The following NFRKB variants were observed in gnomAD, a reference collection of about 807,000 sequenced individuals.
NFRKB encodes the protein nuclear factor related to kappa-B-binding protein.
A neutral mutation model predicts 135.7 loss-of-function variants in NFRKB; 62 were observed. The observed-to-expected ratio is 0.46, with a 90% confidence interval of 0.37 to 0.56. NFRKB has a LOEUF of 0.56. NFRKB is among the 20% of genes least tolerant of loss of function. NFRKB has a pLI of 0.00. For synonymous variants in NFRKB, 678 were observed against 635.6 expected (o/e 1.07, Z -1.00); for missense variants, 1,545 against 1,662.0 (o/e 0.93, Z 1.22).
At chr11:129,881,560 C>T (rs556227323) in intron 12 of NFRKB, 52 bp from the exon 13 acceptor site, 18 of 1,609,666 alleles carry the variant, frequency 1.1e-5, no homozygotes, top group South Asian at 4.4e-5. Flanking sequence ...CCCTGAGCTC[C>T]GAAACAGCTT....
intron 11 of NFRKB, 69 bp downstream of exon 11, chr11:129,882,017 C>G: frequency 6.8e-7 from 1 of 1,477,796 alleles, no homozygotes; most frequent in Non-Finnish European, 9.1e-7. Flanking sequence ...ACTTCTCAAG[C>G]TATAGACCAT....
At chr11:129,865,602 T>A (rs1359797631) in intron 25 of NFRKB, among the ~76,000 whole-genome samples, 1 of 152,206 alleles carries the variant, frequency 6.6e-6, no homozygotes, top group East Asian at 1.9e-4. Flanking sequence ...CCCTTTTCTC[T>A]CCAGTATGTA....
intron 9 of NFRKB, 100 bp downstream of exon 9, chr11:129,883,022 T>G (rs770241905): frequency 1.1e-5 from 12 of 1,050,052 alleles, no homozygotes; most frequent in Middle Eastern, 2.6e-4. Context: ...GTTACCAGCA[T>G]GAGAGAGGCC....
chr11:129,895,314 C>A (rs1212269394), intron 1 of NFRKB, among the ~76,000 whole-genome samples, 182 bp downstream of exon 1: 5 of 152,084 alleles, frequency 3.3e-5, no homozygotes, highest in Admixed American at 3.3e-4. Flanking sequence ...CTCGGCCCCG[C>A]CCCTCCCCCA....
In NFRKB at chr11:129,870,009, T is replaced by G. The variant is rs775534912; in HGVS notation, c.3016A>C (p.Ile1006Leu). 1 of 1,614,268 alleles carries G rather than the reference T, an allele frequency of 6.2e-7. No homozygotes were observed. Among genetic ancestry groups the G allele is most frequent in the Admixed American group, 1.7e-5 (1 of 60,032 alleles). The change falls in exon 24 of 27, where the codon ATC becomes CTC. Residue 1006 changes from isoleucine (I) to leucine (L), a missense_variant. This residue lies in a region of NFRKB where 753 missense variants were observed against 804.3 expected (regional missense o/e 0.94). Transcript: ENST00000682444. ...GTGGNTTGKG[I>L]SATLHVTSNP... Reference sequence around the variant, plus strand: ...GAAGTGACGTGTAAGGTGGCAGAGATGCCTTTGCCTGTAGTGTTGCCTCCT... The same window carrying G: ...GAAGTGACGTGTAAGGTGGCAGAGAGGCCTTTGCCTGTAGTGTTGCCTCCT...
chr11:129,884,667 A>G (rs1949186664), intron 7 of NFRKB, 78 bp downstream of exon 7: 1 of 1,526,360 alleles, frequency 6.6e-7, no homozygotes, highest in Non-Finnish European at 9.0e-7. Context: ...ATCTGCCCCC[A>G]CCCACCTCCC....
In NFRKB at chr11:129,874,576, C is replaced by T; in HGVS notation, c.1983G>A (p.Arg661=). ...CTGCAGCTGCTTGTGCTTGGTGAAT[C>T]CGCTCTGTGAACAAGAGGGGCAAGC... ...HRDRSEEEFE[R]IHQAQAAAAK... is the part of the protein sequence containing the mutation. Residue 661 remains arginine (R), a synonymous_variant, in exon 20 of 27, where the codon CGG becomes CGA. Coordinates refer to ENST00000682444, the MANE Select transcript of NFRKB (RefSeq NM_001143835.2). The surrounding 1 kb of genome is among the most constrained non-coding windows in gnomAD (Gnocchi z 4.5). The T allele has an allele frequency of 6.2e-7, 1 of 1,614,060 alleles. No homozygotes were observed. Among genetic ancestry groups the T allele is most frequent in the Non-Finnish European group, 8.5e-7 (1 of 1,180,016 alleles).
rs1195410479 is a variant in NFRKB, at chr11:129,877,234, G to C, written c.1572+91C>G. On this transcript the variant is annotated intron_variant, in intron 16 of 26. Transcript: ENST00000682444. ...CTAAGGGGAAAGGTATGAGTTTCTT[G>C]CAAGAAGGTAGATGCAGGAGAGTCA... The C allele has an allele frequency of 6.9e-6, 9 of 1,303,214 alleles. No homozygotes were observed. The South Asian group carries it at 7.2e-5, about 10-fold the overall frequency. The allele number at this position is 1,303,214 out of a possible 1,614,324, so 80.7% of individuals were successfully genotyped here. A position where few individuals can be genotyped will look rare whatever the true frequency, so the allele number is the denominator to read the frequency against.
intron 24 of NFRKB, among the ~76,000 whole-genome samples, chr11:129,867,655 T>A (rs1488580912): frequency 6.6e-6 from 1 of 152,216 alleles, no homozygotes; most frequent in Non-Finnish European, 1.5e-5. Context: ...TAAGATTTTC[T>A]GTTTTGGGTA....
At chr11:129,879,775 T>C (rs1948942593) in intron 13 of NFRKB, among the ~76,000 whole-genome samples, 1 of 152,182 alleles carries the variant, frequency 6.6e-6, no homozygotes, top group Admixed American at 6.5e-5. Flanking sequence ...GCATCATCTG[T>C]GCCCTGCACC....
intron 24 of NFRKB, among the ~76,000 whole-genome samples, chr11:129,866,469 C>A (rs1948197902): frequency 1.3e-5 from 2 of 151,606 alleles, no homozygotes; most frequent in African/African-American, 4.9e-5. Flanking sequence ...AGTGCAGGGC[C>A]ACTGGTGAGG....
chr11:129,884,829 G>T lies in NFRKB; in HGVS notation c.658C>A (p.Pro220Thr). 6.2e-7 allele frequency: 1 copy of T among 1,614,198 alleles called. No individual in the cohort carries two copies. The highest frequency in any genetic ancestry group is 8.5e-7 in the Non-Finnish European group (1 of 1,180,020). ...CTAGGAGAACGTGCTGGAGAGCTCG[G>T]AAGCCATGAGCTGAGATCTTCAAAA... is the stretch of plus-strand genomic sequence containing the variant. ...SDEEDLSSWL[P>T]SSPARSPSPA... is the part of the protein sequence containing the mutation. The change falls in exon 7 of 27, where the codon CCG (proline) becomes ACG (threonine). Residue 220 changes from proline to threonine, a missense_variant. Pro to Thr is a conservative substitution (Grantham distance 38, BLOSUM62 -1). Around this residue, in one of 3 missense-constraint regions of NFRKB, gnomAD observed 678 missense variants for 646.7 expected, o/e 1.05. Transcript: ENST00000682444.
intron 11 of NFRKB, 52 bp downstream of exon 11, chr11:129,882,034 T>G: frequency 6.6e-7 from 1 of 1,511,038 alleles, no homozygotes; most frequent in Non-Finnish European, 8.9e-7. Flanking sequence ...CCATTCAGGA[T>G]TTGAACACTT....
rs1949231151 is a variant in NFRKB at position 129,885,505 on chromosome 11, C to T, written c.570G>A (p.Gln190=). 2.5e-6 allele frequency: 4 copies of T among 1,614,034 alleles called. No individual in the cohort carries two copies. The Admixed American group carries it at 5.0e-5, about 20-fold the overall frequency. The change falls in exon 6 of 27, where the codon CAG becomes CAA. Residue 190 remains glutamine (Q), a synonymous_variant. Transcript: ENST00000682444. ...CTTCCCTTAAGACCTTCAAGTAGCG[C>T]TGCTGGGTCCGCCACTCCCGCTCCT... ...TPEEREWRTQ[Q]RYLKVLREVK...
chr11:129,877,266 G>C (rs1323142576), intron 16 of NFRKB, 59 bp downstream of exon 16: 3 of 1,511,330 alleles, frequency 2.0e-6, no homozygotes, highest in Non-Finnish European at 1.8e-6. Context: ...GTCAGGCTCA[G>C]AGCATCTCTC....
chr11:129,885,511 G>T lies in NFRKB; in HGVS notation c.564C>A (p.Thr188=). ...SRTPEEREWR[T]QQRYLKVLRE... ...TTAAGACCTTCAAGTAGCGCTGCTGGGTCCGCCACTCCCGCTCCTCAGGTG... is the reference window on the plus strand; with the variant it reads ...TTAAGACCTTCAAGTAGCGCTGCTGTGTCCGCCACTCCCGCTCCTCAGGTG... The change falls in exon 6 of 27, where the codon ACC becomes ACA. Residue 188 remains threonine, a synonymous_variant. Coordinates refer to ENST00000682444, the MANE Select transcript of NFRKB (RefSeq NM_001143835.2). 1.2e-6 allele frequency: 2 copies of T among 1,614,120 alleles called. No homozygotes were observed. Among genetic ancestry groups the T allele is most frequent in the African/African-American group, 2.7e-5 (2 of 75,056 alleles).
intron 2 of NFRKB, chr11:129,893,094 AG>A (rs1483789952): frequency 1.4e-6 from 2 of 1,404,784 alleles, no homozygotes; most frequent in Non-Finnish European, 9.3e-7. Context: ...ATGCTCCTAC[AG>A]TAACTCCTAA....
At chr11:129,881,414 T>C (rs1949020350) in intron 13 of NFRKB, 29 bp downstream of exon 13, 1 of 1,610,476 alleles carries the variant, frequency 6.2e-7, no homozygotes, top group African/African-American at 1.3e-5. Context: ...AACGAAAACC[T>C]GTTGGGGTAG....
intron 18 of NFRKB, 101 bp downstream of exon 18, chr11:129,875,256 T>C: frequency 1.0e-6 from 1 of 1,000,350 alleles, no homozygotes. Flanking sequence ...TGTTTTTCAC[T>C]TCATTCAGTT....
Sources: gnomAD v4.1 joint callset for allele counts (sites outside exome capture counted in the v4.1 genomes callset) on GRCh38, gnomAD v4.1.1 for gene constraint, gnomAD v4.1.1 regional missense constraint, Gnocchi (gnomAD v3.1) non-coding constraint, MANE v1.5 for transcripts, NCBI Gene and HGNC (gene_info 2026-07-23, HGNC 2026-07-21) for gene names.